UTRN: variants seen among roughly 807,000 people sequenced by gnomAD.
UTRN encodes dystrophin-related protein 1.
In UTRN, 283 loss-of-function variants were observed where a neutral mutation model predicts 463.9. That is an observed-to-expected ratio of 0.61 (90% CI 0.55 to 0.67). The LOEUF (loss-of-function observed/expected upper bound fraction) is 0.67. Ranked by LOEUF, UTRN falls within the 30% of genes least tolerant of loss-of-function variation. UTRN has a pLI of 0.00. For missense variants in UTRN, 3,922 were observed against 4,084.3 expected, an observed-to-expected ratio of 0.96 and a Z score of 1.08; for synonymous variants, 1,442 against 1,431.5, an observed-to-expected ratio of 1.01 and a Z score of -0.17.
chr6:144,798,110 A>G, intron 64 of UTRN, 120 bp downstream of exon 64: 1 of 1,299,740 alleles, frequency 7.7e-7, no homozygotes. Flanking sequence ...AATAAATGGT[A>G]TGTTCAGTAT....
intron 58 of UTRN, among the ~76,000 whole-genome samples, chr6:144,768,099 C>G (rs1793564741): frequency 6.6e-6 from 1 of 152,154 alleles, no homozygotes; most frequent in African/African-American, 2.4e-5. Context: ...ATTTTACCAG[C>G]CTATCAAAAG....
intron 48 of UTRN, 71 bp from the exon 49 acceptor site, chr6:144,554,617 A>G: frequency 6.7e-7 from 1 of 1,501,474 alleles, no homozygotes; most frequent in Non-Finnish European, 9.1e-7. Context: ...TACATTTGAT[A>G]TATGATATTT....
At chr6:144,364,052 C>T (rs1375634302) in intron 2 of UTRN, among the ~76,000 whole-genome samples, 1 of 152,068 alleles carries the variant, frequency 6.6e-6, no homozygotes, top group Admixed American at 6.5e-5. Context: ...TATTGTAGTA[C>T]CTTGAGAGAA....
At chr6:144,418,466 G>T (rs1016548540) in intron 3 of UTRN, among the ~76,000 whole-genome samples, 1 of 151,140 alleles carries the variant, frequency 6.6e-6, no homozygotes, top group African/African-American at 2.4e-5. Flanking sequence ...CTCGTGGTCC[G>T]CCCGCCTCGG....
chr6:144,756,916 C>T (rs1034462711), intron 57 of UTRN, among the ~76,000 whole-genome samples: 4 of 151,992 alleles, frequency 2.6e-5, no homozygotes, highest in African/African-American at 9.7e-5. Flanking sequence ...GGAACTTTAA[C>T]GTGTATCTTG....
chr6:144,540,449 C>T (rs1797894988), intron 45 of UTRN, among the ~76,000 whole-genome samples: 1 of 152,164 alleles, frequency 6.6e-6, no homozygotes, highest in South Asian at 2.1e-4. Context: ...GATCTGGTCT[C>T]TCTGATTGGG....
rs372747165 is a variant in UTRN, at chr6:144,537,667, A to G, written c.6319A>G (p.Met2107Val). The change falls in exon 44 of 75, where the codon ATG becomes GTG. Residue 2107 changes from methionine (M) to valine (V), a missense_variant. Met to Val is a conservative substitution (Grantham distance 21, BLOSUM62 1). Coordinates refer to ENST00000367545, the MANE Select transcript of UTRN (RefSeq NM_007124.3). ...TTGGTTAACAAAGGCTGAGCATGCT[A>G]TGCAAAAGAGATCAACCACCGAATT... Reference protein sequence around the residue: ...ICWLTKAEHAMQKRSTTELGE... With the variant: ...ICWLTKAEHAVQKRSTTELGE... The G allele has an allele frequency of 8.5e-5, 137 of 1,612,030 alleles. No homozygotes were observed. Among genetic ancestry groups the G allele is most frequent in the Non-Finnish European group, 1.1e-4 (128 of 1,179,270 alleles).
chr6:144,618,749 G>A (rs1775038560), intron 51 of UTRN, among the ~76,000 whole-genome samples: 1 of 151,818 alleles, frequency 6.6e-6, no homozygotes, highest in Non-Finnish European at 1.5e-5. Context: ...TTTAAAGTTT[G>A]GAAATTAAAA....
chr6:144,731,615 G>A (rs1016187478), intron 54 of UTRN, among the ~76,000 whole-genome samples: 6 of 152,124 alleles, frequency 3.9e-5, no homozygotes, highest in African/African-American at 1.4e-4. Flanking sequence ...TCTTCAGTCC[G>A]AATAAATTTC....
intron 51 of UTRN, among the ~76,000 whole-genome samples, chr6:144,584,144 G>A (rs886447856): frequency 6.6e-6 from 1 of 152,140 alleles, no homozygotes; most frequent in Non-Finnish European, 1.5e-5. Flanking sequence ...TACACTTGAA[G>A]AATTTAATTT....
chr6:144,553,658 T>C (rs1011733677), intron 48 of UTRN, among the ~76,000 whole-genome samples: 1 of 152,172 alleles, frequency 6.6e-6, no homozygotes, highest in Non-Finnish European at 1.5e-5. Context: ...GGCTCATGCC[T>C]GTAATCCCAA....
intron 58 of UTRN, among the ~76,000 whole-genome samples, chr6:144,770,630 T>C (rs1291645459): frequency 6.6e-6 from 1 of 152,202 alleles, no homozygotes. Context: ...AGAAACTTAA[T>C]TGAAGCATTC....
At chr6:144,681,484 T>C (rs940026797) in intron 52 of UTRN, among the ~76,000 whole-genome samples, 16 of 152,122 alleles carry the variant, frequency 1.1e-4, no homozygotes, top group African/African-American at 3.9e-4. Flanking sequence ...TGGTGCAAGC[T>C]GCTTGAGGAA....
intron 2 of UTRN, among the ~76,000 whole-genome samples, chr6:144,300,930 A>G (rs545573825): frequency 6.6e-6 from 1 of 152,322 alleles, no homozygotes; most frequent in East Asian, 1.9e-4. Context: ...TGATTGTTAT[A>G]TTGCCAGTTT....
At chr6:144,609,678 G>T (rs779151706) in intron 51 of UTRN, among the ~76,000 whole-genome samples, 17 of 152,070 alleles carry the variant, frequency 1.1e-4, no homozygotes, top group Non-Finnish European at 1.8e-4. Flanking sequence ...CAGATGTTAG[G>T]CCACAAAACA....
intron 25 of UTRN, among the ~76,000 whole-genome samples, chr6:144,476,972 G>C (rs1232114822): frequency 1.3e-5 from 2 of 152,130 alleles, no homozygotes; most frequent in East Asian, 3.8e-4. Context: ...TATTAAATGA[G>C]AGATATTAAT....
At chr6:144,520,754 A>G (rs148536933) in intron 39 of UTRN, among the ~76,000 whole-genome samples, 2 of 152,322 alleles carry the variant, frequency 1.3e-5, no homozygotes, top group African/African-American at 4.8e-5. Context: ...ATTAACATGC[A>G]TTTGTGATCG....
At chr6:144,619,339 C>G (rs951740854) in intron 51 of UTRN, among the ~76,000 whole-genome samples, 3 of 152,164 alleles carry the variant, frequency 2.0e-5, no homozygotes, top group Admixed American at 2.0e-4. Flanking sequence ...GGCATTTAAG[C>G]AGTGCCTTCT....
At chr6:144,771,677 C>T (rs1794035448) in intron 58 of UTRN, among the ~76,000 whole-genome samples, 1 of 152,038 alleles carries the variant, frequency 6.6e-6, no homozygotes, top group South Asian at 2.1e-4. Context: ...CCACCTGCCT[C>T]GGCCTCCCAA....
Sources: allele counts gnomAD v4.1 joint callset (sites outside exome capture counted in the v4.1 genomes callset), GRCh38; gene constraint gnomAD v4.1.1; transcripts MANE v1.5; gene names NCBI Gene and HGNC (gene_info 2026-07-23, HGNC 2026-07-21).